The following PDPK1 variants were observed in gnomAD, a reference collection of about 807,000 sequenced individuals.
PDPK1 encodes the protein 3-phosphoinositide-dependent protein kinase 1.
A neutral mutation model predicts 39.8 loss-of-function variants in PDPK1; 7 were observed. The ratio of observed to expected loss-of-function variants is 0.18; its 90% CI spans 0.10 to 0.33. The LOEUF is 0.33. Among genes scored for constraint, PDPK1 ranks in the 10% least tolerant of loss-of-function variants. PDPK1 has a pLI of 1.00. For missense variants in PDPK1, 182 were observed against 384.7 expected (o/e 0.47, Z 4.41); for synonymous variants, 118 against 159.1 (o/e 0.74, Z 1.95).
At chr16:2,595,096 C>G (rs2067073765) in intron 11 of PDPK1, among the ~76,000 whole-genome samples, 1 of 152,204 alleles carries the variant, frequency 6.6e-6, no homozygotes, top group Non-Finnish European at 1.5e-5. Context: ...GCTCTCCAGC[C>G]TGGGTGACGG....
chr16:2,539,540 T>C (rs1278941012), intron 1 of PDPK1: 1 of 152,200 alleles, frequency 6.6e-6, no homozygotes, highest in African/African-American at 2.4e-5. Flanking sequence ...GCTCTTGAAC[T>C]TTCTGCAGCT....
intron 1 of PDPK1, 65 bp downstream of exon 1, chr16:2,538,201 G>C (rs1394309603): frequency 1.1e-6 from 1 of 915,640 alleles, no homozygotes; most frequent in Non-Finnish European, 1.3e-6. Flanking sequence ...CGGCCGCCCG[G>C]GTCCGGCGAG....
intron 1 of PDPK1, among the ~76,000 whole-genome samples, chr16:2,542,867 C>T (rs1480194552): frequency 6.6e-6 from 1 of 151,364 alleles, no homozygotes; most frequent in African/African-American, 2.4e-5. Context: ...GTGCCCTCTC[C>T]CCGTGCTGGA....
chr16:2,597,881 G>A lies in PDPK1; in HGVS notation c.*114G>A. The A allele has an allele frequency of 1.5e-6, 1 of 648,800 alleles. No individual in the cohort carries two copies. Among genetic ancestry groups the A allele is most frequent in the Non-Finnish European group, 2.7e-6 (1 of 365,674 alleles). The allele number at this position is 648,800 out of a possible 1,614,324, so 40.2% of individuals were successfully genotyped here. ...CCAGCCATCACAAGGGGAACGCAGA[G>A]GCGGAAACCTTGCAGCATTTTTATT... On this transcript the variant is annotated 3_prime_UTR_variant, in exon 14 of 14. Coordinates refer to ENST00000342085, the MANE Select transcript of PDPK1 (RefSeq NM_002613.5). This position sits in a 1 kb window ranked among gnomAD's most constrained non-coding sequence, Gnocchi z 6.3.
chr16:2,580,018 A>G (rs2066793259), intron 7 of PDPK1: 1 of 149,584 alleles, frequency 6.7e-6, no homozygotes, highest in Admixed American at 6.6e-5. Context: ...ACCCACTTAT[A>G]GTCACAGATA....
chr16:2,569,539 T>A (rs2066657812), intron 6 of PDPK1: 1 of 150,656 alleles, frequency 6.6e-6, no homozygotes, highest in Admixed American at 6.6e-5. Flanking sequence ...AAACCTTTGC[T>A]TTTTGGTAGC....
chr16:2,588,483 G>GGT (rs1462709410), intron 11 of PDPK1, among the ~76,000 whole-genome samples: 1 of 152,152 alleles, frequency 6.6e-6, no homozygotes, highest in Non-Finnish European at 1.5e-5. Flanking sequence ...GCTGTCTGCA[G>GGT]GTGTGTGTGT....
intron 1 of PDPK1, among the ~76,000 whole-genome samples, chr16:2,547,278 C>A (rs1304974190): frequency 2.8e-5 from 4 of 144,938 alleles, no homozygotes; most frequent in Non-Finnish European, 5.9e-5. Context: ...GTCTGCGTTT[C>A]TCTCTCCCAG....
At chr16:2,551,339 TGA>T (rs1300415492) in intron 1 of PDPK1, among the ~76,000 whole-genome samples, 3 of 151,004 alleles carry the variant, frequency 2.0e-5, no homozygotes, top group Non-Finnish European at 2.9e-5. Context: ...TTTTCTGAGG[TGA>T]GAGGAGGTTT....
At chr16:2,547,087 G>A (rs1464354217) in intron 1 of PDPK1, among the ~76,000 whole-genome samples, 39 of 149,144 alleles carry the variant, frequency 2.6e-4, no homozygotes, top group East Asian at 2.0e-4. Flanking sequence ...AGAATGGAGC[G>A]CTGGCTTTGC....
Position 2,600,395 on chromosome 16 carries a change from G to A in PDPK1, c.*2628G>A, listed in dbSNP as rs1274806981. 4 of 232,608 alleles carry A rather than the reference G, an allele frequency of 1.7e-5. No homozygotes were observed. The highest frequency in any genetic ancestry group is 8.9e-5 in the African/African-American group (4 of 44,870). 14.4% of individuals were successfully genotyped at this position (232,608 alleles called of 1,614,324 possible). Reference sequence around the variant, plus strand: ...GGAGGCTGTGGTCGCTGCCGGCCTAGGTGTCCCAGGTGCCCCGCCTTTCTC... The same window carrying A: ...GGAGGCTGTGGTCGCTGCCGGCCTAAGTGTCCCAGGTGCCCCGCCTTTCTC... On this transcript the variant is annotated 3_prime_UTR_variant, in exon 14 of 14. Coordinates refer to ENST00000342085, the MANE Select transcript of PDPK1 (RefSeq NM_002613.5).
chr16:2,597,681 A>G lies in PDPK1; in HGVS notation c.1585A>G (p.Ser529Gly). 1 of 1,613,916 alleles carries G rather than the reference A, an allele frequency of 6.2e-7. No individual in the cohort carries two copies. The highest frequency in any genetic ancestry group is 8.5e-7 in the Non-Finnish European group (1 of 1,179,918). The change falls in exon 14 of 14, where the codon AGC becomes GGC. Residue 529 changes from serine to glycine, a missense_variant. Around this residue, in one of 5 missense-constraint regions of PDPK1, gnomAD observed 67 missense variants for 87.8 expected, o/e 0.76. Coordinates refer to ENST00000342085, the MANE Select transcript of PDPK1 (RefSeq NM_002613.5). The surrounding 1 kb of genome is among the most constrained non-coding windows in gnomAD (Gnocchi z 6.3). ...PNRTYYLMDP[S>G]GNAHKWCRKI... The stretch of plus-strand genomic sequence containing the variant: ...CAGGACGTATTATCTGATGGACCCC[A>G]GCGGGAACGCACACAAGTGGTGCAG...
At chr16:2,552,454 A>G (rs900098829) in intron 1 of PDPK1, among the ~76,000 whole-genome samples, 12 of 151,832 alleles carry the variant, frequency 7.9e-5, no homozygotes, top group East Asian at 7.7e-4. Flanking sequence ...TTGTTTTCCT[A>G]TCAGAGGTGT....
chr16:2,597,274 C>T lies in PDPK1; in HGVS notation c.1553C>T (p.Thr518Met), dbSNP rs549158095. ...AKNFKTFFVH[T>M]PNRTYYLMDP... Reference sequence around the variant, plus strand: ...AATTTTAAAACTTTCTTTGTCCACACGGTGAGTCTGTTCCCAGGGATTTCT... The same window carrying T: ...AATTTTAAAACTTTCTTTGTCCACATGGTGAGTCTGTTCCCAGGGATTTCT... Residue 518 changes from threonine (T) to methionine (M), a missense_variant and splice_region_variant, in exon 13 of 14, where the codon ACG becomes ATG. Transcript: ENST00000342085. The surrounding 1 kb of genome is among the most constrained non-coding windows in gnomAD (Gnocchi z 6.3). 1.3e-6 allele frequency: 2 copies of T among 1,579,540 alleles called. No individual in the cohort carries two copies. The highest frequency in any genetic ancestry group is 1.7e-6 in the Non-Finnish European group (2 of 1,154,340).
chr16:2,546,569 A>G (rs8047129), intron 1 of PDPK1, among the ~76,000 whole-genome samples: 3,124 of 152,242 alleles, frequency 0.021, 116 homozygotes, highest in African/African-American at 0.072. Flanking sequence ...CCTGACCTCA[A>G]GCCATCTGCC....
chr16:2,586,572 T>A, intron 10 of PDPK1, 104 bp from the exon 11 acceptor site: 1 of 944,868 alleles, frequency 1.1e-6, no homozygotes. Context: ...CCTTGCTGTG[T>A]GCGAGCTCCC....
At chr16:2,590,945 G>C (rs931980395) in intron 11 of PDPK1, among the ~76,000 whole-genome samples, 3 of 151,620 alleles carry the variant, frequency 2.0e-5, no homozygotes, top group Admixed American at 6.6e-5. Context: ...TACTGCACCA[G>C]GCCAAAAGTC....
chr16:2,592,493 G>T (rs966779153), intron 11 of PDPK1: 8 of 317,930 alleles, frequency 2.5e-5, no homozygotes, highest in Non-Finnish European at 2.4e-5. Flanking sequence ...GGCCAACATG[G>T]TGAAACCCTG....
At chr16:2,543,646 T>C (rs1303477278) in intron 1 of PDPK1, among the ~76,000 whole-genome samples, 1 of 151,838 alleles carries the variant, frequency 6.6e-6, no homozygotes, top group Admixed American at 6.6e-5. Context: ...TTTTCCTCCT[T>C]GCCTAGAGAA....
Sources: allele counts gnomAD v4.1 joint callset (sites outside exome capture counted in the v4.1 genomes callset), GRCh38; gene constraint gnomAD v4.1.1; regional missense constraint gnomAD v4.1.1; non-coding constraint Gnocchi (gnomAD v3.1); transcripts MANE v1.5; gene names NCBI Gene and HGNC (gene_info 2026-07-23, HGNC 2026-07-21).